TLN2: variants seen among roughly 807,000 people sequenced by gnomAD.
TLN2 encodes the protein talin-2.
In TLN2, 118 loss-of-function variants were observed where a neutral mutation model predicts 294.7. That is an observed-to-expected ratio of 0.40 (90% CI 0.34 to 0.47). The LOEUF (loss-of-function observed/expected upper bound fraction) is 0.47, where lower values mean the gene tolerates loss of function less well. TLN2 is among the 20% of genes least tolerant of loss of function. The pLI, the probability that TLN2 is intolerant of heterozygous loss-of-function variation, is 0.84. For synonymous variants in TLN2, 1,431 were observed against 1,304.5 expected (o/e 1.10, Z -2.09); for missense variants, 3,083 against 3,282.2 (o/e 0.94, Z 1.48).
chr15:62,456,789 T>C (rs1209104101), intron 1 of TLN2, among the ~76,000 whole-genome samples: 1 of 152,202 alleles, frequency 6.6e-6, no homozygotes, highest in Non-Finnish European at 1.5e-5. Flanking sequence ...TTCTGTTTCC[T>C]GGGGTTTACT....
At chr15:62,773,383 A>ATCAGT (rs1567574969) in intron 42 of TLN2, among the ~76,000 whole-genome samples, 2 of 152,040 alleles carry the variant, frequency 1.3e-5, no homozygotes, top group African/African-American at 4.8e-5. Context: ...TCAGTAAAGC[A>ATCAGT]TTAGATGATG....
At chr15:62,761,551 G>A in intron 37 of TLN2, 130 bp from the exon 38 acceptor site, 4 of 1,300,564 alleles carry the variant, frequency 3.1e-6, no homozygotes, top group South Asian at 2.7e-5. Flanking sequence ...CCTATTTATT[G>A]TTTATGAAGT....
intron 3 of TLN2, among the ~76,000 whole-genome samples, chr15:62,631,766 A>G (rs1041825742): frequency 8.3e-6 from 1 of 120,150 alleles, no homozygotes; most frequent in African/African-American, 3.1e-5. Context: ...GTTTTTTGGT[A>G]TAGACGGGGT....
chr15:62,563,087 T>A (rs1443071038), intron 1 of TLN2, among the ~76,000 whole-genome samples: 1 of 152,178 alleles, frequency 6.6e-6, no homozygotes, highest in Admixed American at 6.5e-5. Context: ...GTATAATGAC[T>A]TATTTTCCTC....
At chr15:62,405,964 AGTT>A (rs894291341) in intron 1 of TLN2, among the ~76,000 whole-genome samples, 3 of 152,144 alleles carry the variant, frequency 2.0e-5, no homozygotes, top group African/African-American at 7.2e-5. Context: ...GAACCTCAGA[AGTT>A]GTTTAGATGG....
At chr15:62,635,375 A>G (rs1288757513) in intron 3 of TLN2, among the ~76,000 whole-genome samples, 2 of 152,224 alleles carry the variant, frequency 1.3e-5, no homozygotes, top group Admixed American at 6.5e-5. Context: ...AGATACAGCT[A>G]TTAAATTAAA....
chr15:62,641,040 A>G (rs572019754), intron 3 of TLN2, among the ~76,000 whole-genome samples: 6 of 151,652 alleles, frequency 4.0e-5, no homozygotes, highest in East Asian at 4.0e-4. Context: ...GACCTCAGGT[A>G]ATCTACCCAC....
chr15:62,542,293 G>A (rs925462492), intron 1 of TLN2, among the ~76,000 whole-genome samples: 9 of 152,196 alleles, frequency 5.9e-5, no homozygotes, highest in South Asian at 2.1e-4. Flanking sequence ...CCGGGTTCAC[G>A]CCATTCTCCT....
intron 48 of TLN2, among the ~76,000 whole-genome samples, chr15:62,798,647 G>A (rs2065700261): frequency 1.3e-5 from 2 of 152,110 alleles, no homozygotes; most frequent in African/African-American, 4.8e-5. Context: ...CAGTAAACTA[G>A]TCTGTCTGGA....
At chr15:62,674,403 ATAAAT>A (rs1331583704) in intron 10 of TLN2, among the ~76,000 whole-genome samples, 2 of 152,256 alleles carry the variant, frequency 1.3e-5, no homozygotes, top group Non-Finnish European at 2.9e-5. Context: ...AAATGTAAAT[ATAAAT>A]TAAAATACAA....
intron 1 of TLN2, among the ~76,000 whole-genome samples, chr15:62,529,453 A>T (rs1021452242): frequency 6.6e-6 from 1 of 151,410 alleles, no homozygotes; most frequent in South Asian, 2.1e-4. Flanking sequence ...GAGAACTCGT[A>T]TTGCAACTTT....
At chr15:62,515,181 A>G (rs2040125601) in intron 1 of TLN2, among the ~76,000 whole-genome samples, 1 of 152,184 alleles carries the variant, frequency 6.6e-6, no homozygotes, top group Non-Finnish European at 1.5e-5. Flanking sequence ...GGCTATCTTC[A>G]GTCATACTCC....
chr15:62,745,633 T>C (rs1041857546), intron 32 of TLN2, among the ~76,000 whole-genome samples: 1 of 152,202 alleles, frequency 6.6e-6, no homozygotes, highest in Non-Finnish European at 1.5e-5. Context: ...TCTCTGACAT[T>C]AGTAATATGC....
At position 62,784,014 on chromosome 15, in the gene TLN2, T is replaced by C. The variant is rs1446716343; in HGVS notation, c.5736+124T>C. ...GCCCAGTAACCAGAGCCCAGTTTATTTCCCCACCACTGCACAGCACAGGTC... is the reference window on the plus strand; with the variant it reads ...GCCCAGTAACCAGAGCCCAGTTTATCTCCCCACCACTGCACAGCACAGGTC... On this transcript the variant is annotated intron_variant, in intron 45 of 58. Coordinates refer to ENST00000636159, the MANE Select transcript of TLN2 (RefSeq NM_015059.3). 6 of 1,514,652 alleles carry C rather than the reference T, an allele frequency of 4.0e-6. No individual in the cohort carries two copies. The African/African-American group carries it at 8.2e-5, about 21-fold the overall frequency. The allele number at this position is 1,514,652 out of a possible 1,614,324, so 93.8% of individuals were successfully genotyped here. A position where few individuals can be genotyped will look rare whatever the true frequency, so the allele number is the denominator to read the frequency against.
chr15:62,563,572 C>G (rs1385773730), intron 1 of TLN2, among the ~76,000 whole-genome samples: 5 of 152,170 alleles, frequency 3.3e-5, no homozygotes, highest in African/African-American at 1.2e-4. Flanking sequence ...TCCTTTTGCC[C>G]TGCAAAAGCT....
At chr15:62,534,643 C>T (rs1367475949) in intron 1 of TLN2, among the ~76,000 whole-genome samples, 1 of 152,124 alleles carries the variant, frequency 6.6e-6, no homozygotes, top group Non-Finnish European at 1.5e-5. Context: ...AGTCAGACTT[C>T]AGCCCCGCTC....
chr15:62,574,226 G>A lies in TLN2; in HGVS notation c.-237-15461G>A, dbSNP rs1333083940. 2.0e-5 allele frequency among the ~76,000 whole-genome samples: 3 copies of A among 151,686 alleles called. No homozygotes were observed. The East Asian group carries it at 5.8e-4, about 29-fold the overall frequency. On this transcript the variant is annotated intron_variant, in intron 1 of 58. Coordinates refer to ENST00000636159, the MANE Select transcript of TLN2 (RefSeq NM_015059.3). ...TGTGCATAGCTGATGCTTAGTAATG[G>A]GCTCTTATTCATCTAGAAATTTTTT...
At position 62,792,786 on chromosome 15, in the gene TLN2, A is replaced by G. The variant is rs1222924157; in HGVS notation, c.5882A>G (p.Lys1961Arg). The G allele has an allele frequency of 6.2e-7, 1 of 1,613,812 alleles. No homozygotes were observed. Among genetic ancestry groups the G allele is most frequent in the Admixed American group, 1.7e-5 (1 of 59,996 alleles). ...LIECARAVTE[K>R]VSLVLSALQA... ...GAATGCGCCCGTGCCGTCACGGAAA[A>G]GGTAAGGAGCAGCCCTCAGTTTAGA... Residue 1961 changes from lysine to arginine, a missense_variant and splice_region_variant, in exon 46 of 59, where the codon AAG becomes AGG. Physicochemically the swap from Lys to Arg is conservative, Grantham distance 26. Transcript: ENST00000636159.
At chr15:62,765,338 G>T (rs182705098) in intron 40 of TLN2, among the ~76,000 whole-genome samples, 2 of 151,580 alleles carry the variant, frequency 1.3e-5, no homozygotes, top group Admixed American at 6.6e-5. Flanking sequence ...CTTTTTCCAG[G>T]GTTTTGTTTT....
Sources: gnomAD v4.1 joint callset for allele counts (sites outside exome capture counted in the v4.1 genomes callset) on GRCh38, gnomAD v4.1.1 for gene constraint, MANE v1.5 for transcripts, NCBI Gene and HGNC (gene_info 2026-07-23, HGNC 2026-07-21) for gene names.